Variants in SMOC2 observed in about 807,000 individuals in gnomAD.
SMOC2 encodes SPARC-related modular calcium-binding protein 2.
A neutral mutation model predicts 61.4 loss-of-function variants in SMOC2; 39 were observed. The ratio of observed to expected loss-of-function variants is 0.64; its 90% CI spans 0.49 to 0.83. The LOEUF (loss-of-function observed/expected upper bound fraction) is 0.83, where lower values mean the gene tolerates loss of function less well. Among genes scored for constraint, SMOC2 ranks in the 40% least tolerant of loss-of-function variants. SMOC2 has a pLI of 0.00. For missense variants in SMOC2, 556 were observed against 592.9 expected (o/e 0.94, Z 0.65); for synonymous variants, 247 against 239.9 (o/e 1.03, Z -0.27).
chr6:168,526,253 C>A, intron 2 of SMOC2, 93 bp from the exon 3 acceptor site: 2 of 1,175,496 alleles, frequency 1.7e-6, no homozygotes, highest in East Asian at 2.4e-5. Flanking sequence ...GCACTCCTGC[C>A]TAACTCATGC....
At chr6:168,519,002 T>C (rs531985452) in intron 2 of SMOC2, among the ~76,000 whole-genome samples, 122 of 148,088 alleles carry the variant, frequency 8.2e-4, no homozygotes, top group Non-Finnish European at 1.3e-3. Flanking sequence ...TGCGTGCATG[T>C]GTGAGTATGC....
intron 11 of SMOC2, among the ~76,000 whole-genome samples, chr6:168,659,610 G>A (rs79728371): frequency 2.1e-5 from 3 of 140,604 alleles, no homozygotes; most frequent in South Asian, 2.3e-4. Flanking sequence ...GAGGGTGGAG[G>A]TTGTAGGCTG....
intron 9 of SMOC2, among the ~76,000 whole-genome samples, chr6:168,645,708 T>C (rs1336742187): frequency 6.6e-6 from 1 of 152,140 alleles, no homozygotes; most frequent in Non-Finnish European, 1.5e-5. Flanking sequence ...ACGGCACATG[T>C]TCCTGGCCCA....
intron 2 of SMOC2, 72 bp from the exon 3 acceptor site, chr6:168,526,274 T>G: frequency 7.1e-7 from 1 of 1,406,894 alleles, no homozygotes; most frequent in Non-Finnish European, 1.0e-6. Flanking sequence ...CTTCACATCT[T>G]TCAATGTTCC....
chr6:168,653,127 A>G lies in SMOC2; in HGVS notation c.1184A>G (p.Tyr395Cys), dbSNP rs1156582872. The G allele has an allele frequency of 1.2e-6, 2 of 1,614,126 alleles. No individual in the cohort carries two copies. Among genetic ancestry groups the G allele is most frequent in the African/African-American group, 2.7e-5 (2 of 74,944 alleles). Residue 395 changes from tyrosine to cysteine, a missense_variant, in exon 11 of 13, where the codon TAC (tyrosine) becomes TGC (cysteine). Coordinates refer to ENST00000356284, the MANE Select transcript of SMOC2 (RefSeq NM_001166412.2). ...AAATGTGTGAAGAAGTTTGTTGAAT[A>G]CTGTGACGTGAATAATGACAAATCC... Reference protein sequence around the residue: ...PKKCVKKFVEYCDVNNDKSIS... With the variant: ...PKKCVKKFVECCDVNNDKSIS...
chr6:168,653,255 G>A (rs2115276853), intron 11 of SMOC2, 27 bp downstream of exon 11: 2 of 1,601,592 alleles, frequency 1.2e-6, no homozygotes, highest in Non-Finnish European at 1.7e-6. Flanking sequence ...CCCCGACCCT[G>A]GGCAGTGGTC....
At chr6:168,513,508 C>G (rs922360012) in intron 2 of SMOC2, among the ~76,000 whole-genome samples, 5 of 152,012 alleles carry the variant, frequency 3.3e-5, no homozygotes, top group African/African-American at 1.2e-4. Context: ...CACACATAGA[C>G]ACTCACATAA....
At chr6:168,474,607 T>C (rs1222922308) in intron 1 of SMOC2, among the ~76,000 whole-genome samples, 1 of 152,128 alleles carries the variant, frequency 6.6e-6, no homozygotes, top group Non-Finnish European at 1.5e-5. Context: ...GTCTGTCCAC[T>C]GAAACCTCCG....
At chr6:168,491,493 G>A (rs955637837) in intron 1 of SMOC2, among the ~76,000 whole-genome samples, 1 of 152,142 alleles carries the variant, frequency 6.6e-6, no homozygotes, top group African/African-American at 2.4e-5. Flanking sequence ...CACCCATGGA[G>A]CATCTTTTAA....
At chr6:168,528,890 G>A (rs1415274584) in intron 4 of SMOC2, among the ~76,000 whole-genome samples, 1 of 152,362 alleles carries the variant, frequency 6.6e-6, no homozygotes, top group East Asian at 1.9e-4. Flanking sequence ...AACTGGGTCT[G>A]TGTGTGTCCC....
At chr6:168,448,468 G>C (rs1020623026) in intron 1 of SMOC2, among the ~76,000 whole-genome samples, 1 of 148,666 alleles carries the variant, frequency 6.7e-6, no homozygotes. Flanking sequence ...GGACGGAGAT[G>C]GCAAGGAAGA....
At chr6:168,647,188 T>C (rs1233591552) in intron 9 of SMOC2, among the ~76,000 whole-genome samples, 1 of 152,102 alleles carries the variant, frequency 6.6e-6, no homozygotes, top group Non-Finnish European at 1.5e-5. Flanking sequence ...TGTCCCAAAA[T>C]AAAGGGTGAC....
rs1033956125 is a variant in SMOC2 at position 168,664,871 on chromosome 6, G to A, written c.1323+760G>A. ...ACAAAATCCCCACTTCTTTGCTGCC[G>A]CGAGTCAATTTGTGATTTATTTTGT... On this transcript the variant is annotated intron_variant, in intron 12 of 12. Coordinates refer to ENST00000356284, the MANE Select transcript of SMOC2 (RefSeq NM_001166412.2). 15 of 465,774 alleles carry A rather than the reference G, an allele frequency of 3.2e-5. 1 individual carries two copies. Among genetic ancestry groups the A allele is most frequent in the South Asian group, 1.9e-4 (12 of 63,908 alleles). The allele number at this position is 465,774 out of a possible 1,614,324, so 28.9% of individuals were successfully genotyped here.
At chr6:168,628,874 C>T (rs928515030) in intron 9 of SMOC2, among the ~76,000 whole-genome samples, 2 of 152,234 alleles carry the variant, frequency 1.3e-5, no homozygotes, top group Admixed American at 6.5e-5. Flanking sequence ...CCACTCTTCT[C>T]GGAACACACA....
At chr6:168,647,483 G>A (rs149713093) in intron 9 of SMOC2, among the ~76,000 whole-genome samples, 47 of 152,196 alleles carry the variant, frequency 3.1e-4, no homozygotes, top group African/African-American at 1.1e-3. Flanking sequence ...GGGGGCCAGC[G>A]CCCCTGCGAG....
At chr6:168,636,870 CTCCTCCCGCCT>C in intron 9 of SMOC2, among the ~76,000 whole-genome samples, 1 of 138,052 alleles carries the variant, frequency 7.2e-6, no homozygotes, top group East Asian at 2.4e-4. Flanking sequence ...TCCCGCCTCC[CTCCTCCCGCCT>C]CCCTCCTCCC....
At position 168,638,521 on chromosome 6, in the gene SMOC2, C is replaced by T. The variant is rs571582338; in HGVS notation, c.908-12160C>T. 1.4e-3 allele frequency among the ~76,000 whole-genome samples: 212 copies of T among 152,208 alleles called. 4 individuals are homozygous for T. Among genetic ancestry groups the T allele is most frequent in the African/African-American group, 5.0e-3 (208 of 41,538 alleles). On this transcript the variant is annotated intron_variant, in intron 9 of 12. Transcript: ENST00000356284. Reference sequence around the variant, plus strand: ...GCCGCAGAGCTGCTGGAAGCGGGGTCTGGAGGGAATGCTTTCAGCGAGAGG... The same window carrying T: ...GCCGCAGAGCTGCTGGAAGCGGGGTTTGGAGGGAATGCTTTCAGCGAGAGG...
intron 7 of SMOC2, among the ~76,000 whole-genome samples, chr6:168,571,619 G>A (rs1045601462): frequency 6.6e-6 from 1 of 152,198 alleles, no homozygotes; most frequent in African/African-American, 2.4e-5. Flanking sequence ...CGTATACTGT[G>A]TGTAGTATTT....
chr6:168,505,939 C>T (rs1475054802), intron 1 of SMOC2, among the ~76,000 whole-genome samples: 1 of 152,174 alleles, frequency 6.6e-6, no homozygotes, highest in Non-Finnish European at 1.5e-5. Flanking sequence ...GTGCACCTCC[C>T]ACTAAGAAAG....
Sources: gnomAD v4.1 joint callset for allele counts (sites outside exome capture counted in the v4.1 genomes callset) on GRCh38, gnomAD v4.1.1 for gene constraint, MANE v1.5 for transcripts, NCBI Gene and HGNC (gene_info 2026-07-23, HGNC 2026-07-21) for gene names.